The following SCN9A variants were observed in gnomAD, a reference collection of about 807,000 sequenced individuals.
SCN9A encodes sodium voltage-gated channel alpha subunit 9.
In SCN9A, 131 loss-of-function variants were observed where a neutral mutation model predicts 187.0. That is an observed-to-expected ratio of 0.70 (90% CI 0.61 to 0.81). The LOEUF is 0.81. Among genes scored for constraint, SCN9A ranks in the 30% least tolerant of loss-of-function variants. SCN9A has a pLI of 0.00. For synonymous variants in SCN9A, 809 were observed against 808.6 expected (o/e 1.00, Z -0.01); for missense variants, 2,252 against 2,396.6 (o/e 0.94, Z 1.26).
chr2:166,203,605 G>A (rs1395899901), intron 26 of SCN9A, among the ~76,000 whole-genome samples: 2 of 151,878 alleles, frequency 1.3e-5, no homozygotes, highest in African/African-American at 2.4e-5. Context: ...AGTCTCACAT[G>A]TGCTAAAACC....
intron 24 of SCN9A, chr2:166,205,196 AT>A (rs1558946427): frequency 6.6e-6 from 1 of 152,238 alleles, no homozygotes; most frequent in Non-Finnish European, 1.5e-5. Flanking sequence ...AAGAGCCTGC[AT>A]AGCCAAGATA....
chr2:166,269,525 G>A (rs1421866439), intron 17 of SCN9A, among the ~76,000 whole-genome samples: 2 of 152,004 alleles, frequency 1.3e-5, no homozygotes, highest in African/African-American at 4.8e-5. Context: ...ACATGGCTCT[G>A]CCTTTATAAC....
intron 1 of SCN9A, among the ~76,000 whole-genome samples, chr2:166,370,317 G>A (rs1700526121): frequency 6.6e-6 from 1 of 150,976 alleles, no homozygotes; most frequent in East Asian, 1.9e-4. Flanking sequence ...GTCGAGGCGG[G>A]CGGATCACTA....
chr2:166,276,867 T>C, intron 16 of SCN9A, 116 bp downstream of exon 16: 3 of 814,828 alleles, frequency 3.7e-6, no homozygotes, highest in Non-Finnish European at 5.1e-6. Flanking sequence ...TCACTATTCT[T>C]TTGCAATTAA....
chr2:166,214,342 A>C (rs12469141), intron 24 of SCN9A, among the ~76,000 whole-genome samples: 4,190 of 152,114 alleles, frequency 0.028, 450 homozygotes, highest in Admixed American at 0.2. Context: ...ATTAGGCTAC[A>C]CGTTTTCCAG....
chr2:166,238,049 C>G, intron 20 of SCN9A, 45 bp downstream of exon 20: 1 of 1,431,924 alleles, frequency 7.0e-7, no homozygotes, highest in Non-Finnish European at 9.7e-7. Context: ...TCACAACACA[C>G]AGTAAGAATA....
At chr2:166,315,441 A>T (rs1481608156) in intron 1 of SCN9A, among the ~76,000 whole-genome samples, 1 of 152,190 alleles carries the variant, frequency 6.6e-6, no homozygotes, top group Non-Finnish European at 1.5e-5. Flanking sequence ...ATATGAAAAA[A>T]GCAGAGGCAA....
In SCN9A at chr2:166,272,857, C is replaced by A. The variant is rs2106461550; in HGVS notation, c.2893G>T (p.Ala965Ser). ...GNLVVLNLFL[A>S]LLLSSFSSDN... ...GAACTAAATGAGCTCAATAATAAGG[C>A]CAGAAATAGGTTTAGGACCTATATC... Residue 965 changes from alanine (A) to serine (S), a missense_variant, in exon 17 of 27, where the codon GCC (alanine) becomes TCC (serine). This residue lies in a region of SCN9A where 119 missense variants were observed against 188.7 expected (regional missense o/e 0.63). Coordinates refer to ENST00000642356, the MANE Select transcript of SCN9A (RefSeq NM_001365536.1). 1 of 1,491,768 alleles carries A rather than the reference C, an allele frequency of 6.7e-7. No homozygotes were observed. Among genetic ancestry groups the A allele is most frequent in the Non-Finnish European group, 8.9e-7 (1 of 1,121,756 alleles). The allele number at this position is 1,491,768 out of a possible 1,614,324, so 92.4% of individuals were successfully genotyped here. A position where few individuals can be genotyped will look rare whatever the true frequency, so the allele number is the denominator to read the frequency against.
chr2:166,357,735 A>C (rs567102431), intron 1 of SCN9A, among the ~76,000 whole-genome samples: 1 of 152,282 alleles, frequency 6.6e-6, no homozygotes, highest in East Asian at 1.9e-4. Context: ...TCACTAGTCA[A>C]GAAGTTAGCT....
At chr2:166,280,997 A>C (rs1324556994) in intron 13 of SCN9A, among the ~76,000 whole-genome samples, 1 of 151,734 alleles carries the variant, frequency 6.6e-6, no homozygotes, top group Non-Finnish European at 1.5e-5. Context: ...TCCAGAAAAA[A>C]CTCTTGCTGT....
At chr2:166,240,825 C>T (rs1327251120) in intron 19 of SCN9A, among the ~76,000 whole-genome samples, 3 of 152,092 alleles carry the variant, frequency 2.0e-5, no homozygotes, top group Non-Finnish European at 4.4e-5. Context: ...AGTGAGCAAC[C>T]TTGAGACATG....
At chr2:166,374,330 A>T (rs367720972) in intron 1 of SCN9A, among the ~76,000 whole-genome samples, 1 of 152,202 alleles carries the variant, frequency 6.6e-6, no homozygotes, top group African/African-American at 2.4e-5. Context: ...TCTTAAGCCA[A>T]ACTATCAGTT....
In SCN9A at chr2:166,220,627, G is replaced by A. The variant is rs56170951; in HGVS notation, c.4398+5940C>T. On this transcript the variant is annotated intron_variant, in intron 24 of 26. Coordinates refer to ENST00000642356, the MANE Select transcript of SCN9A (RefSeq NM_001365536.1). ...TAAATTACCCAGTCTGTGGTATTCT[G>A]TTATAGTAGCACAAATGGATGAGAA... is the stretch of plus-strand genomic sequence containing the variant. Among the ~76,000 whole-genome samples the A allele has an allele frequency of 7.2e-5, 11 of 152,052 alleles. No individual in the cohort carries two copies. The South Asian group carries it at 2.3e-3, about 32-fold the overall frequency.
At chr2:166,289,894 G>C (rs1697963176) in intron 9 of SCN9A, among the ~76,000 whole-genome samples, 1 of 152,118 alleles carries the variant, frequency 6.6e-6, no homozygotes, top group Non-Finnish European at 1.5e-5. Flanking sequence ...CTAATGGCCA[G>C]TGATGATGAG....
intron 11 of SCN9A, 80 bp downstream of exon 11, chr2:166,286,256 G>A (rs1159283088): frequency 1.7e-5 from 23 of 1,349,316 alleles, no homozygotes; most frequent in Non-Finnish European, 2.1e-5. Context: ...ATCCTCTCCC[G>A]AGTTCTCTTA....
chr2:166,290,608 T>C (rs1321293056), intron 9 of SCN9A, among the ~76,000 whole-genome samples: 1 of 152,162 alleles, frequency 6.6e-6, no homozygotes. Flanking sequence ...TAATCACCAT[T>C]CTGACTGACT....
intron 1 of SCN9A, among the ~76,000 whole-genome samples, chr2:166,319,913 A>G (rs939936070): frequency 6.6e-6 from 1 of 152,102 alleles, no homozygotes; most frequent in Admixed American, 6.6e-5. Context: ...GTAACAAGAA[A>G]TAGAGGTTCA....
chr2:166,353,922 G>T (rs72884775), intron 1 of SCN9A, among the ~76,000 whole-genome samples: 13 of 152,288 alleles, frequency 8.5e-5, no homozygotes, highest in Non-Finnish European at 1.8e-4. Context: ...ATATAAAATT[G>T]TTAAATGCTT....
rs1574691777 is a variant in SCN9A at position 166,199,173 on chromosome 2, C to T, written c.5466G>A (p.Gln1822=). The change falls in exon 27 of 27, where the codon CAG becomes CAA. Residue 1822 remains glutamine, a synonymous_variant. Coordinates refer to ENST00000642356, the MANE Select transcript of SCN9A (RefSeq NM_001365536.1). ...CCATGGGCAGATCCATGGCAATGAG[C>T]TGGACTTTGTTGGGTTTTGCTATGA... ...PLLIAKPNKV[Q]LIAMDLPMVS... The T allele has an allele frequency of 6.2e-7, 1 of 1,614,184 alleles. No homozygotes were observed. The highest frequency in any genetic ancestry group is 8.5e-7 in the Non-Finnish European group (1 of 1,180,040).
Sources: gnomAD v4.1 joint callset for allele counts (sites outside exome capture counted in the v4.1 genomes callset) on GRCh38, gnomAD v4.1.1 for gene constraint, gnomAD v4.1.1 regional missense constraint, MANE v1.5 for transcripts, NCBI Gene and HGNC (gene_info 2026-07-23, HGNC 2026-07-21) for gene names.